CDH18: variants seen among roughly 807,000 people sequenced by gnomAD.
CDH18 encodes cadherin 18, also known as cadherin-18.
CDH18 carries 31 observed loss-of-function variants against 67.9 expected under a neutral mutation model. That is an observed-to-expected ratio of 0.46 (90% confidence interval 0.34 to 0.62). The LOEUF (loss-of-function observed/expected upper bound fraction) is 0.62. CDH18 is among the 20% of genes least tolerant of loss of function. CDH18 has a pLI of 0.01. For missense variants in CDH18, 890 were observed against 975.5 expected (o/e 0.91, Z 1.17); for synonymous variants, 362 against 347.2 (o/e 1.04, Z -0.48).
At chr5:19,816,063 T>C (rs1041323902) in intron 3 of CDH18, among the ~76,000 whole-genome samples, 2 of 151,900 alleles carry the variant, frequency 1.3e-5, no homozygotes, top group African/African-American at 4.8e-5. Flanking sequence ...CATTCTTTTG[T>C]TTATTCAGAA....
At chr5:19,500,637 A>G (rs1743077846) in intron 11 of CDH18, among the ~76,000 whole-genome samples, 1 of 152,224 alleles carries the variant, frequency 6.6e-6, no homozygotes, top group Non-Finnish European at 1.5e-5. Context: ...AAACATCTTT[A>G]GCACTATGCA....
chr5:20,311,356 T>C (rs1736972353), intron 1 of CDH18, among the ~76,000 whole-genome samples: 1 of 152,176 alleles, frequency 6.6e-6, no homozygotes, highest in South Asian at 2.1e-4. Context: ...TGTATGTTTA[T>C]TGTGGCACTA....
intron 1 of CDH18, among the ~76,000 whole-genome samples, chr5:20,358,729 T>A (rs757346341): frequency 1.3e-5 from 2 of 152,142 alleles, no homozygotes; most frequent in Non-Finnish European, 2.9e-5. Flanking sequence ...TTAAAATGGA[T>A]GCAGCAGATG....
Position 20,348,890 on chromosome 5 carries a change from A to C in CDH18, c.-579-93385T>G, listed in dbSNP as rs1740926301. ...AAACTTACCTTTTGTGCAAGCCCTA[A>C]AACATTTACTTTTTTTGATATAAGG... On this transcript the variant is annotated intron_variant, in intron 1 of 14. Transcript: ENST00000507958. 2.6e-5 allele frequency among the ~76,000 whole-genome samples: 4 copies of C among 152,234 alleles called. No individual in the cohort carries two copies. In the South Asian group the frequency reaches 8.3e-4, roughly 32 times the overall value.
chr5:20,505,954 C>A (rs1372766046), intron 1 of CDH18, among the ~76,000 whole-genome samples: 1 of 151,968 alleles, frequency 6.6e-6, no homozygotes, highest in Non-Finnish European at 1.5e-5. Context: ...ATGTGCTATG[C>A]CTGGTCCCTG....
At chr5:19,834,665 C>A (rs773024443) in intron 3 of CDH18, among the ~76,000 whole-genome samples, 1 of 152,052 alleles carries the variant, frequency 6.6e-6, no homozygotes, top group Non-Finnish European at 1.5e-5. Context: ...GAATTTAGTG[C>A]TATAAATTTC....
chr5:19,533,697 G>C (rs1749002469), intron 9 of CDH18, among the ~76,000 whole-genome samples: 1 of 152,096 alleles, frequency 6.6e-6, no homozygotes. Context: ...TCATGTGAAG[G>C]AGTGGCCAGA....
intron 1 of CDH18, among the ~76,000 whole-genome samples, chr5:20,494,400 T>A (rs985208341): frequency 1.3e-5 from 2 of 151,064 alleles, no homozygotes; most frequent in African/African-American, 4.9e-5. Context: ...AAGAGGGAGG[T>A]TGTGAGAAAG....
At chr5:19,840,049 G>A (rs1782100747) in intron 2 of CDH18, among the ~76,000 whole-genome samples, 1 of 151,266 alleles carries the variant, frequency 6.6e-6, no homozygotes, top group Non-Finnish European at 1.5e-5. Context: ...ACAAGGCAAG[G>A]AGATCAAGAC....
chr5:19,741,030 T>G (rs1254377517), intron 4 of CDH18, among the ~76,000 whole-genome samples: 1 of 151,722 alleles, frequency 6.6e-6, no homozygotes, highest in African/African-American at 2.4e-5. Context: ...CGCAATAATG[T>G]TATAATGCCA....
rs528813820 is a variant in CDH18, at chr5:19,797,351, A to C, written c.228+41408T>G. On this transcript the variant is annotated intron_variant, in intron 3 of 12. Transcript: ENST00000382275. The stretch of plus-strand genomic sequence containing the variant: ...AGTGCAACTATAAGGCAGAAAAAGA[A>C]AATAAAATACTTAAAGATCATAAAG... Among the ~76,000 whole-genome samples, 5 of 152,102 alleles carry C rather than the reference A, an allele frequency of 3.3e-5. 1 individual carries two copies. Among genetic ancestry groups the C allele is most frequent in the Middle Eastern group, 6.8e-3 (2 of 292 alleles).
At chr5:19,742,156 C>A (rs1769296008) in intron 4 of CDH18, among the ~76,000 whole-genome samples, 1 of 152,116 alleles carries the variant, frequency 6.6e-6, no homozygotes, top group South Asian at 2.1e-4. Context: ...TGCCCACCGA[C>A]AAGAAATATA....
At chr5:20,160,759 G>T (rs886360192) in intron 2 of CDH18, among the ~76,000 whole-genome samples, 16 of 152,084 alleles carry the variant, frequency 1.1e-4, no homozygotes, top group African/African-American at 3.6e-4. Flanking sequence ...AACAATTTTT[G>T]TTTCAGTTAT....
chr5:20,371,522 G>A (rs902402032), intron 1 of CDH18, among the ~76,000 whole-genome samples: 4 of 152,126 alleles, frequency 2.6e-5, no homozygotes, highest in Admixed American at 6.5e-5. Context: ...GATCAGAGTA[G>A]CACATTTGTG....
intron 2 of CDH18, among the ~76,000 whole-genome samples, chr5:20,220,165 AG>A (rs2126443478): frequency 6.6e-6 from 1 of 152,170 alleles, no homozygotes; most frequent in African/African-American, 2.4e-5. Flanking sequence ...AAATAGCCAA[AG>A]CTATTCTGAG....
At chr5:20,002,347 A>C (rs1471501405) in intron 2 of CDH18, among the ~76,000 whole-genome samples, 1 of 152,194 alleles carries the variant, frequency 6.6e-6, no homozygotes, top group East Asian at 1.9e-4. Context: ...TAGACTTTGG[A>C]TAGAGACTAA....
chr5:20,099,414 T>G (rs1412451613), intron 2 of CDH18, among the ~76,000 whole-genome samples: 1 of 152,212 alleles, frequency 6.6e-6, no homozygotes, highest in Non-Finnish European at 1.5e-5. Context: ...TTGATACAAC[T>G]CAAAATAAAG....
intron 1 of CDH18, among the ~76,000 whole-genome samples, chr5:20,398,909 G>A (rs1274245490): frequency 6.9e-6 from 1 of 144,778 alleles, no homozygotes; most frequent in Non-Finnish European, 1.5e-5. Flanking sequence ...GTATACCTAC[G>A]TAGAAAACCA....
At chr5:20,025,394 G>A (rs1170271142) in intron 2 of CDH18, among the ~76,000 whole-genome samples, 1 of 151,964 alleles carries the variant, frequency 6.6e-6, no homozygotes, top group Non-Finnish European at 1.5e-5. Context: ...GACATATAAG[G>A]TTGTCCAATA....
Sources: gnomAD v4.1 joint callset for allele counts (sites outside exome capture counted in the v4.1 genomes callset) on GRCh38, gnomAD v4.1.1 for gene constraint, MANE v1.5 for transcripts, NCBI Gene and HGNC (gene_info 2026-07-23, HGNC 2026-07-21) for gene names.